Variants in ANAPC10 observed in about 807,000 individuals in gnomAD.
ANAPC10 encodes the protein anaphase-promoting complex subunit 10.
ANAPC10 carries 12 observed loss-of-function variants against 22.0 expected under a neutral mutation model. That is an observed-to-expected ratio of 0.55 (90% CI 0.35 to 0.88). The LOEUF is 0.88. Among genes scored for constraint, ANAPC10 ranks in the 40% least tolerant of loss-of-function variants. The pLI, the probability that ANAPC10 is intolerant of heterozygous loss-of-function variation, is 0.01. For synonymous variants in ANAPC10, 65 were observed against 69.5 expected (o/e 0.94, Z 0.32); for missense variants, 188 against 220.9 (o/e 0.85, Z 0.94).
chr4:145,018,083 G>A (rs936653085), intron 4 of ANAPC10, among the ~76,000 whole-genome samples: 16 of 150,672 alleles, frequency 1.1e-4, no homozygotes, highest in African/African-American at 2.7e-4. Context: ...AAACCTGCAC[G>A]TTGTGCACAT....
intron 4 of ANAPC10, among the ~76,000 whole-genome samples, chr4:145,025,094 C>G (rs1736470782): frequency 6.6e-6 from 1 of 152,168 alleles, no homozygotes; most frequent in South Asian, 2.1e-4. Flanking sequence ...AGCTTCCTCA[C>G]CTCTTAGCCT....
Position 145,031,725 on chromosome 4 carries a change from G to A in ANAPC10, c.327+32847C>T, listed in dbSNP as rs575416264. ...GGGATGCTGTTTGGAGCCTTTGGCA[G>A]GCCCCCATAGTGAATCACAGTGGAG... On this transcript the variant is annotated intron_variant, in intron 4 of 4. Coordinates refer to ENST00000507656, the MANE Select transcript of ANAPC10 (RefSeq NM_001256706.2). Among the ~76,000 whole-genome samples, 5 of 152,334 alleles carry A rather than the reference G, an allele frequency of 3.3e-5. No individual in the cohort carries two copies. In the East Asian group the frequency reaches 9.6e-4, roughly 29 times the overall value.
At chr4:145,016,848 C>G (rs1354907692) in intron 4 of ANAPC10, among the ~76,000 whole-genome samples, 1 of 152,114 alleles carries the variant, frequency 6.6e-6, no homozygotes, top group African/African-American at 2.4e-5. Flanking sequence ...TTTGACAAAC[C>G]TGACAAAAAC....
At chr4:145,072,285 C>T (rs1374876073) in intron 3 of ANAPC10, among the ~76,000 whole-genome samples, 1 of 152,136 alleles carries the variant, frequency 6.6e-6, no homozygotes, top group Admixed American at 6.5e-5. Flanking sequence ...TTTTAAAACA[C>T]AATGAGATAT....
chr4:145,061,465 G>C (rs894803405), intron 4 of ANAPC10, among the ~76,000 whole-genome samples: 1 of 152,104 alleles, frequency 6.6e-6, no homozygotes, highest in Non-Finnish European at 1.5e-5. Context: ...GTACAACTAA[G>C]ATTACATGAG....
chr4:145,033,777 T>C (rs1384547583), intron 4 of ANAPC10, among the ~76,000 whole-genome samples: 1 of 152,200 alleles, frequency 6.6e-6, no homozygotes, highest in Non-Finnish European at 1.5e-5. Context: ...AAGAAGGCAG[T>C]CATCAATACC....
At chr4:145,027,167 C>A (rs1313846479) in intron 4 of ANAPC10, among the ~76,000 whole-genome samples, 1 of 149,356 alleles carries the variant, frequency 6.7e-6, no homozygotes, top group Non-Finnish European at 1.5e-5. Context: ...CCACACTCGG[C>A]TAATTTTTGT....
intron 4 of ANAPC10, among the ~76,000 whole-genome samples, chr4:145,018,974 G>T (rs945667393): frequency 6.6e-6 from 1 of 152,106 alleles, no homozygotes; most frequent in Admixed American, 6.6e-5. Flanking sequence ...CCTAAAAAAT[G>T]AGATAGACAG....
At chr4:145,004,461 T>C (rs1176932850) in intron 4 of ANAPC10, among the ~76,000 whole-genome samples, 2 of 152,204 alleles carry the variant, frequency 1.3e-5, no homozygotes, top group Non-Finnish European at 2.9e-5. Context: ...CCATTCAGTA[T>C]GATGTTGGCT....
intron 4 of ANAPC10, among the ~76,000 whole-genome samples, chr4:145,034,541 A>ATG (rs1334309678): frequency 1.1e-4 from 15 of 140,460 alleles, no homozygotes; most frequent in African/African-American, 3.0e-4. Context: ...ATATATATAT[A>ATG]TATGTGTGTG....
At chr4:145,072,464 A>G (rs1579108781) in intron 3 of ANAPC10, among the ~76,000 whole-genome samples, 1 of 152,234 alleles carries the variant, frequency 6.6e-6, no homozygotes, top group African/African-American at 2.4e-5. Context: ...ACAAAATATA[A>G]ACTCCAAATT....
At chr4:145,034,220 T>C (rs1035783514) in intron 4 of ANAPC10, among the ~76,000 whole-genome samples, 2 of 152,040 alleles carry the variant, frequency 1.3e-5, no homozygotes, top group African/African-American at 4.8e-5. Context: ...GTGTCGGTGT[T>C]ACCAAAAGAG....
intron 4 of ANAPC10, among the ~76,000 whole-genome samples, chr4:145,018,569 C>A (rs908635538): frequency 1.3e-5 from 2 of 151,852 alleles, no homozygotes; most frequent in African/African-American, 2.4e-5. Flanking sequence ...ACCTGAGAGG[C>A]AGAGTTTGCA....
At chr4:145,000,235 C>T (rs1732312373) in intron 4 of ANAPC10, among the ~76,000 whole-genome samples, 1 of 151,896 alleles carries the variant, frequency 6.6e-6, no homozygotes, top group Non-Finnish European at 1.5e-5. Context: ...TTCTGCACGG[C>T]AAAAGAAACT....
rs530829283 is a variant in ANAPC10 at position 145,009,942 on chromosome 4, C to A, written c.328-14339G>T. ...TACCCATCTGACAGAGGGCTAATAT[C>A]CAGAATCTACAAAGAACTTAAACAA... On this transcript the variant is annotated intron_variant, in intron 4 of 4. Coordinates refer to ENST00000507656, the MANE Select transcript of ANAPC10 (RefSeq NM_001256706.2). Among the ~76,000 whole-genome samples the A allele has an allele frequency of 5.3e-5, 8 of 152,236 alleles. No homozygotes were observed. In the South Asian group the frequency reaches 1.5e-3, roughly 28 times the overall value.
chr4:145,011,778 G>A (rs142853340), intron 4 of ANAPC10, among the ~76,000 whole-genome samples: 11 of 152,216 alleles, frequency 7.2e-5, no homozygotes, highest in African/African-American at 2.2e-4. Context: ...TTCTGAAGTT[G>A]CCTAGGATAG....
intron 4 of ANAPC10, among the ~76,000 whole-genome samples, chr4:145,027,648 G>C (rs896160745): frequency 1.3e-5 from 2 of 152,172 alleles, no homozygotes; most frequent in Non-Finnish European, 2.9e-5. Flanking sequence ...CAAAGCATCA[G>C]AAATTAAAAG....
intron 4 of ANAPC10, among the ~76,000 whole-genome samples, chr4:145,025,029 A>AT (rs949659971): frequency 2.0e-5 from 3 of 152,058 alleles, no homozygotes; most frequent in African/African-American, 4.8e-5. Flanking sequence ...ATGAAGATGG[A>AT]TTTTTTCCTT....
intron 4 of ANAPC10, among the ~76,000 whole-genome samples, chr4:145,011,010 T>C (rs1734217469): frequency 6.6e-6 from 1 of 151,916 alleles, no homozygotes; most frequent in Admixed American, 6.6e-5. Flanking sequence ...ATGAAGAAGG[T>C]CTGGACTTTT....
Sources: allele counts gnomAD v4.1 joint callset (sites outside exome capture counted in the v4.1 genomes callset), GRCh38; gene constraint gnomAD v4.1.1; transcripts MANE v1.5; gene names NCBI Gene and HGNC (gene_info 2026-07-23, HGNC 2026-07-21).